The following PALM2AKAP2 variants were observed in gnomAD, a reference collection of about 807,000 sequenced individuals.
PALM2AKAP2 encodes the protein PALM2 and AKAP2 fusion.
A neutral mutation model predicts 71.5 loss-of-function variants in PALM2AKAP2; 37 were observed. The ratio of observed to expected loss-of-function variants is 0.52; its 90% CI spans 0.40 to 0.68. The LOEUF (loss-of-function observed/expected upper bound fraction) is 0.68. Ranked by LOEUF, PALM2AKAP2 falls within the 30% of genes least tolerant of loss-of-function variation. PALM2AKAP2 has a pLI of 0.00. For missense variants in PALM2AKAP2, 1,224 were observed against 1,191.8 expected (o/e 1.03, Z -0.40); for synonymous variants, 468 against 478.8 (o/e 0.98, Z 0.29).
intron 3 of PALM2AKAP2, among the ~76,000 whole-genome samples, chr9:109,907,452 G>C (rs1167044306): frequency 6.6e-6 from 1 of 152,194 alleles, no homozygotes; most frequent in Non-Finnish European, 1.5e-5. Context: ...GGAACTGCCT[G>C]CCTCTATTTT....
chr9:109,738,359 C>T (rs144365392), intron 1 of PALM2AKAP2, among the ~76,000 whole-genome samples: 1 of 152,152 alleles, frequency 6.6e-6, no homozygotes, highest in Non-Finnish European at 1.5e-5. Flanking sequence ...GAAGAATGAA[C>T]AGAAGTAAAA....
rs144297727 is a variant in PALM2AKAP2, at chr9:110,080,961, G to A, written c.156+32106G>A. ...CTCCCAAAGTGCTGGGATTACAGAC[G>A]TGAGGCACTGCGCCCAGCCAAATGT... On this transcript the variant is annotated intron_variant, in intron 1 of 3. Coordinates refer to ENST00000374525, the Ensembl canonical transcript of PALM2AKAP2. Among the ~76,000 whole-genome samples the A allele has an allele frequency of 4.8e-3, 734 of 152,316 alleles. 4 individuals are homozygous for A. Among genetic ancestry groups the A allele is most frequent in the African/African-American group, 0.017 (699 of 41,562 alleles).
At chr9:110,133,662 C>G (rs1835783116) in intron 1 of PALM2AKAP2, among the ~76,000 whole-genome samples, 1 of 152,064 alleles carries the variant, frequency 6.6e-6, no homozygotes, top group African/African-American at 2.4e-5. Context: ...CCACTACCCT[C>G]CGCCCACCCC....
intron 2 of PALM2AKAP2, among the ~76,000 whole-genome samples, chr9:109,872,423 C>G (rs1237166992): frequency 1.3e-5 from 2 of 152,126 alleles, no homozygotes; most frequent in Non-Finnish European, 2.9e-5. Context: ...CACTGAGTAC[C>G]TACTGCAACA....
intron 1 of PALM2AKAP2, among the ~76,000 whole-genome samples, chr9:109,674,660 G>T (rs574856000): frequency 6.6e-6 from 1 of 152,052 alleles, no homozygotes; most frequent in South Asian, 2.1e-4. Context: ...TAATTGGCAA[G>T]AACATATGTA....
intron 7 of PALM2AKAP2, among the ~76,000 whole-genome samples, chr9:110,038,329 AAAACAAACAAACAAAC>A (rs72079683): frequency 0.099 from 14,973 of 151,394 alleles, 872 homozygotes; most frequent in African/African-American, 0.16. Flanking sequence ...CCCTGTCTCA[AAAACAAACAAACAAAC>A]AAACAAACAA....
At chr9:109,988,869 G>A (rs1832424703) in intron 6 of PALM2AKAP2, among the ~76,000 whole-genome samples, 1 of 152,266 alleles carries the variant, frequency 6.6e-6, no homozygotes, top group Non-Finnish European at 1.5e-5. Context: ...TGAACCATGG[G>A]GGTGGTTTCC....
intron 6 of PALM2AKAP2, among the ~76,000 whole-genome samples, chr9:109,990,505 T>C (rs1832458195): frequency 6.6e-6 from 1 of 152,218 alleles, no homozygotes. Context: ...AGTGACCCTA[T>C]GTAAGCGTAC....
chr9:109,662,581 G>A (rs1463231948), intron 1 of PALM2AKAP2, among the ~76,000 whole-genome samples: 2 of 152,104 alleles, frequency 1.3e-5, no homozygotes, highest in South Asian at 2.1e-4. Context: ...GTATTTTATT[G>A]AGGATTTTTG....
chr9:110,149,679 C>G (rs1015621355), intron 2 of PALM2AKAP2, among the ~76,000 whole-genome samples: 1 of 152,164 alleles, frequency 6.6e-6, no homozygotes, highest in Admixed American at 6.5e-5. Context: ...TAGCCAGGCA[C>G]AGTGGCTCAT....
At chr9:109,779,228 C>T (rs76295184), upstream of PALM2AKAP2, among the ~76,000 whole-genome samples, 3,725 of 151,028 alleles carry the variant, frequency 0.025, 159 homozygotes, top group African/African-American at 0.086. Context: ...TTTTTTTTTG[C>T]TTTTGGCATT....
At chr9:109,982,374 G>T (rs1370776646) in intron 6 of PALM2AKAP2, among the ~76,000 whole-genome samples, 1 of 152,104 alleles carries the variant, frequency 6.6e-6, no homozygotes, top group Non-Finnish European at 1.5e-5. Context: ...TAACTAGAAT[G>T]AATAAGATCT....
intron 6 of PALM2AKAP2, among the ~76,000 whole-genome samples, chr9:110,012,149 C>T (rs115309565): frequency 0.01 from 1,571 of 151,904 alleles, 33 homozygotes; most frequent in African/African-American, 0.035. Flanking sequence ...AAAAAGTATC[C>T]GGGCATGGTG....
In PALM2AKAP2 at chr9:110,014,798, AAAAAAATGTATATATATAT is replaced by A. The variant is rs1212548723; in HGVS notation, c.497-1154_497-1136del. 2.9e-3 allele frequency among the ~76,000 whole-genome samples: 164 copies of A among 57,134 alleles called. 6 individuals are homozygous for A. The highest frequency in any genetic ancestry group is 0.01 in the African/African-American group (152 of 14,968). 37.5% of individuals were successfully genotyped at this position (57,134 alleles called of 152,430 possible). A position where few individuals can be genotyped will look rare whatever the true frequency, so the allele number is the denominator to read the frequency against. On this transcript the variant is annotated intron_variant, in intron 6 of 9. Coordinates refer to the PALM2AKAP2 transcript ENST00000302798. Reference sequence around the variant, plus strand: ...CTGTCTCAAAAAAAAAAAAAAAAAAAAAAAAATGTATATATATATATATATATATATATATATATATATA... The same window carrying A: ...CTGTCTCAAAAAAAAAAAAAAAAAAAATATATATATATATATATATATATA...
chr9:109,830,356 G>T (rs1158443496), intron 1 of PALM2AKAP2, among the ~76,000 whole-genome samples: 69 of 152,142 alleles, frequency 4.5e-4, no homozygotes, highest in Admixed American at 4.5e-3. Flanking sequence ...AACATGTTTT[G>T]TATGTGCCTA....
chr9:109,657,292 A>G (rs574604911), intron 1 of PALM2AKAP2, among the ~76,000 whole-genome samples: 1 of 152,384 alleles, frequency 6.6e-6, no homozygotes, highest in South Asian at 2.1e-4. Flanking sequence ...CATCTGGACC[A>G]TGAAATATCA....
chr9:109,744,619 G>A (rs76419089), intron 1 of PALM2AKAP2, among the ~76,000 whole-genome samples: 6,494 of 152,244 alleles, frequency 0.043, 185 homozygotes, highest in Non-Finnish European at 0.053. Flanking sequence ...ATTTGAGATA[G>A]AACAAGCAAA....
intron 3 of PALM2AKAP2, among the ~76,000 whole-genome samples, chr9:109,882,552 G>T (rs10980108): frequency 0.32 from 49,301 of 152,006 alleles, 8,597 homozygotes; most frequent in East Asian, 0.5. Flanking sequence ...TATATATATA[G>T]AGAGAGAGTA....
At chr9:109,949,125 C>T (rs1281725986) in intron 6 of PALM2AKAP2, among the ~76,000 whole-genome samples, 1 of 152,244 alleles carries the variant, frequency 6.6e-6, no homozygotes, top group African/African-American at 2.4e-5. Context: ...TTGGGATTTA[C>T]TTCTGCCCGT....
Sources: gnomAD v4.1 joint callset for allele counts (sites outside exome capture counted in the v4.1 genomes callset) on GRCh38, gnomAD v4.1.1 for gene constraint, MANE v1.5 for transcripts, NCBI Gene and HGNC (gene_info 2026-07-23, HGNC 2026-07-21) for gene names.